REPS1: variants seen among roughly 807,000 people sequenced by gnomAD.
The protein encoded by REPS1 is ralBP1-associated Eps domain-containing protein 1.
A neutral mutation model predicts 100.9 loss-of-function variants in REPS1; 39 were observed. The ratio of observed to expected loss-of-function variants is 0.39; its 90% confidence interval spans 0.30 to 0.50. REPS1 has a LOEUF of 0.50. Ranked by LOEUF, REPS1 falls within the 20% of genes least tolerant of loss-of-function variation. The pLI is 0.86. For missense variants in REPS1, 821 were observed against 968.5 expected, an observed-to-expected ratio of 0.85 and a Z score of 2.02; for synonymous variants, 324 against 340.3, an observed-to-expected ratio of 0.95 and a Z score of 0.53.
intron 1 of REPS1, among the ~76,000 whole-genome samples, chr6:138,961,559 C>T (rs1783742126): frequency 6.6e-6 from 1 of 152,160 alleles, no homozygotes; most frequent in Non-Finnish European, 1.5e-5. Context: ...GTCCAGCATA[C>T]AATATTAGCA....
At chr6:138,984,215 C>G (rs1437457950) in intron 1 of REPS1, among the ~76,000 whole-genome samples, 1 of 151,968 alleles carries the variant, frequency 6.6e-6, no homozygotes, top group East Asian at 1.9e-4. Flanking sequence ...TCTGGAGTAG[C>G]TGGGATTACA....
chr6:138,986,123 G>A (rs749889976), intron 1 of REPS1, among the ~76,000 whole-genome samples: 2 of 152,184 alleles, frequency 1.3e-5, no homozygotes, highest in Non-Finnish European at 2.9e-5. Context: ...GTATCTCCCT[G>A]AGCTAAGAAT....
At chr6:138,940,731 C>A (rs1453254044) in intron 8 of REPS1, among the ~76,000 whole-genome samples, 2 of 144,716 alleles carry the variant, frequency 1.4e-5, no homozygotes, top group South Asian at 4.3e-4. Flanking sequence ...GGTGACAGAA[C>A]GAGACTCCAA....
At chr6:138,921,181 T>A in intron 10 of REPS1, 57 bp from the exon 11 acceptor site, 12 of 1,169,314 alleles carry the variant, frequency 1.0e-5, no homozygotes, top group African/African-American at 1.5e-5. Context: ...GCTAATGCCA[T>A]GCAATAATCA....
rs370199447 is a variant in REPS1, at chr6:138,945,505, G to A, written c.470C>T (p.Ala157Val). The change falls in exon 3 of 20, where the codon GCA (alanine) becomes GTA (valine). Residue 157 changes from alanine (A) to valine (V), a missense_variant. Coordinates refer to ENST00000450536, the MANE Select transcript of REPS1 (RefSeq NM_001286611.2). ...DTVQPRTSAD[A>V]QEPASPVVSP... ...TATTTACATGCATGTGATTACCTGT[G>A]CATCTGCAGATGTACGAGGCTGAAC... 1 of 1,600,580 alleles carries A rather than the reference G, an allele frequency of 6.2e-7. No homozygotes were observed. The highest frequency in any genetic ancestry group is 8.5e-7 in the Non-Finnish European group (1 of 1,174,200).
intron 1 of REPS1, among the ~76,000 whole-genome samples, chr6:138,978,899 G>C (rs1463147007): frequency 6.6e-6 from 1 of 152,002 alleles, no homozygotes; most frequent in South Asian, 2.1e-4. Flanking sequence ...AACTGAGGAA[G>C]TGGCCGGGCA....
rs745948320 is a variant in REPS1 at position 138,911,229 on chromosome 6, T to C, written c.2067+47A>G. The C allele has an allele frequency of 9.7e-6, 12 of 1,232,852 alleles. No homozygotes were observed. In the East Asian group the frequency reaches 2.1e-4, roughly 22 times the overall value. The allele number at this position is 1,232,852 out of a possible 1,614,324, so 76.4% of individuals were successfully genotyped here. On this transcript the variant is annotated intron_variant, in intron 17 of 19. Transcript: ENST00000450536. The stretch of plus-strand genomic sequence containing the variant: ...CCTTATTTCTAAAAATTATTTCACA[T>C]TACTTATGATGTACAAAATTATTAT...
chr6:138,975,420 C>T (rs115952472), intron 1 of REPS1, among the ~76,000 whole-genome samples: 6 of 152,248 alleles, frequency 3.9e-5, no homozygotes, highest in Non-Finnish European at 7.4e-5. Flanking sequence ...ACAAAATCAA[C>T]GAAAGGTATA....
Position 138,917,598 on chromosome 6 carries a change from T to G in REPS1, c.1558A>C (p.Thr520Pro), listed in dbSNP as rs1314137303. 7 of 1,613,542 alleles carry G rather than the reference T, an allele frequency of 4.3e-6. No individual in the cohort carries two copies. The highest frequency in any genetic ancestry group is 5.9e-6 in the Non-Finnish European group (7 of 1,179,642). The part of the protein sequence containing the change: ...ADGYSSSDSF[T>P]SDPEQIGSNV... Reference sequence around the variant, plus strand: ...CTCCCGATCTGTTCTGGGTCAGAAGTAAAAGAGTCTGAACTACTGTAACCA... The same window carrying G: ...CTCCCGATCTGTTCTGGGTCAGAAGGAAAAGAGTCTGAACTACTGTAACCA... Residue 520 changes from threonine to proline, a missense_variant, in exon 13 of 20, where the codon ACT becomes CCT. This residue lies in a region of REPS1 where 757 missense variants were observed against 866.4 expected (regional missense o/e 0.87). Transcript: ENST00000450536.
chr6:138,946,793 T>C (rs1782640258), intron 2 of REPS1, among the ~76,000 whole-genome samples: 1 of 152,238 alleles, frequency 6.6e-6, no homozygotes, highest in Admixed American at 6.5e-5. Flanking sequence ...TAAGTGCCTT[T>C]CTTTATAGAA....
At chr6:138,913,028 A>T (rs1234800823) in intron 15 of REPS1, 78 bp from the exon 16 acceptor site, 3 of 1,146,862 alleles carry the variant, frequency 2.6e-6, no homozygotes, top group Non-Finnish European at 3.7e-6. Flanking sequence ...TTCTTCTTCG[A>T]AAACTTAGTA....
chr6:138,949,211 G>A (rs1429819601), intron 1 of REPS1, among the ~76,000 whole-genome samples: 1 of 152,158 alleles, frequency 6.6e-6, no homozygotes, highest in Non-Finnish European at 1.5e-5. Flanking sequence ...GACCTAAAAG[G>A]AGATCACAGT....
intron 14 of REPS1, 157 bp from the exon 15 acceptor site, chr6:138,914,918 A>T: frequency 1.6e-6 from 1 of 638,788 alleles, no homozygotes; most frequent in Non-Finnish European, 2.7e-6. Flanking sequence ...GTCTGTATGT[A>T]ACCTAAAGAC....
At chr6:138,944,745 T>A (rs1188897) in intron 4 of REPS1, 123 bp from the exon 5 acceptor site, 551,923 of 883,570 alleles carry the variant, frequency 0.62, 175,089 homozygotes, top group Non-Finnish European at 0.67. Flanking sequence ...TTTTCTGTTC[T>A]ATTAGAAATT....
chr6:138,983,312 T>A (rs1349236418), intron 1 of REPS1, among the ~76,000 whole-genome samples: 2 of 151,444 alleles, frequency 1.3e-5, no homozygotes, highest in East Asian at 1.9e-4. Context: ...ATTAGCCGAG[T>A]GTGGTGGTGG....
At chr6:138,979,559 T>C (rs544730351) in intron 1 of REPS1, among the ~76,000 whole-genome samples, 1 of 152,314 alleles carries the variant, frequency 6.6e-6, no homozygotes, top group African/African-American at 2.4e-5. Context: ...TACTAATAAC[T>C]TCCAGGTTGC....
chr6:138,948,002 C>A, intron 1 of REPS1, 89 bp from the exon 2 acceptor site: 1 of 1,186,392 alleles, frequency 8.4e-7, no homozygotes, highest in Admixed American at 2.8e-5. Flanking sequence ...TGTAACGTCT[C>A]AAAATATCTA....
chr6:138,936,223 C>T (rs77753054), intron 8 of REPS1, among the ~76,000 whole-genome samples: 8,522 of 152,078 alleles, frequency 0.056, 439 homozygotes, highest in East Asian at 0.16. Context: ...GACAGGGTCT[C>T]GCTTTGTCAC....
rs368604458 is a variant in REPS1, at chr6:138,952,933, G to A, written c.154-5020C>T. ...GCTCACCACAACCTCCACCTCCTGC[G>A]TTCAAGCGATTCTCCTGTCTCAGCA... On this transcript the variant is annotated intron_variant, in intron 1 of 19. Coordinates refer to ENST00000450536, the MANE Select transcript of REPS1 (RefSeq NM_001286611.2). Among the ~76,000 whole-genome samples, 16 of 151,194 alleles carry A rather than the reference G, an allele frequency of 1.1e-4. No individual in the cohort carries two copies. In the East Asian group the frequency reaches 2.0e-3, roughly 18 times the overall value.
Sources: gnomAD v4.1 joint callset for allele counts (sites outside exome capture counted in the v4.1 genomes callset) on GRCh38, gnomAD v4.1.1 for gene constraint, gnomAD v4.1.1 regional missense constraint, MANE v1.5 for transcripts, NCBI Gene and HGNC (gene_info 2026-07-23, HGNC 2026-07-21) for gene names.